Variants in FOXN3 observed in about 807,000 individuals in gnomAD.
FOXN3 encodes forkhead box N3, also known as forkhead box protein N3.
Under a neutral mutation model 38.4 loss-of-function variants are expected in FOXN3, and 7 were observed. The observed-to-expected ratio is 0.18, with a 90% CI of 0.10 to 0.34. FOXN3 has a LOEUF of 0.34. Among genes scored for constraint, FOXN3 ranks in the 10% least tolerant of loss-of-function variants. The pLI, the probability that FOXN3 is intolerant of heterozygous loss-of-function variation, is 1.00. For missense variants in FOXN3, 456 were observed against 613.4 expected (o/e 0.74, Z 2.71); for synonymous variants, 230 against 242.2 (o/e 0.95, Z 0.47).
At chr14:89,549,262 G>T (rs1210565745) in intron 1 of FOXN3, among the ~76,000 whole-genome samples, 4 of 141,520 alleles carry the variant, frequency 2.8e-5, no homozygotes, top group African/African-American at 1.1e-4. Context: ...AATTTTTAAA[G>T]TCCTTATCTG....
chr14:89,380,135 G>A (rs927251963), intron 2 of FOXN3, among the ~76,000 whole-genome samples: 10 of 150,782 alleles, frequency 6.6e-5, no homozygotes, highest in East Asian at 5.8e-4. Context: ...GGAGGGACCC[G>A]GGGGGAAGTA....
At chr14:89,446,608 C>T (rs1326301726) in intron 1 of FOXN3, among the ~76,000 whole-genome samples, 2 of 152,150 alleles carry the variant, frequency 1.3e-5, no homozygotes, top group African/African-American at 4.8e-5. Context: ...ACTTAGTACT[C>T]CACTTTTTTC....
At chr14:89,258,256 A>C (rs1693485549) in intron 4 of FOXN3, among the ~76,000 whole-genome samples, 2 of 152,196 alleles carry the variant, frequency 1.3e-5, no homozygotes, top group Non-Finnish European at 2.9e-5. Context: ...AATGGACAAC[A>C]GTTCTGATTT....
chr14:89,290,639 CT>C, intron 3 of FOXN3: 1 of 484,068 alleles, frequency 2.1e-6, no homozygotes. Context: ...TTCCTTCCAA[CT>C]TGAACACGGG....
At chr14:89,375,941 T>C (rs1369508485) in intron 2 of FOXN3, among the ~76,000 whole-genome samples, 1 of 152,062 alleles carries the variant, frequency 6.6e-6, no homozygotes, top group African/African-American at 2.4e-5. Context: ...CCACCATGCC[T>C]GGCTAATTTT....
intron 3 of FOXN3, among the ~76,000 whole-genome samples, chr14:89,295,091 G>A (rs1008320179): frequency 2.0e-5 from 3 of 151,940 alleles, no homozygotes; most frequent in African/African-American, 4.8e-5. Context: ...TCAATATGCC[G>A]CCTGGCACAG....
At chr14:89,555,650 C>G (rs1413309092) in intron 1 of FOXN3, among the ~76,000 whole-genome samples, 1 of 152,140 alleles carries the variant, frequency 6.6e-6, no homozygotes, top group Non-Finnish European at 1.5e-5. Context: ...ACAGTGCTTT[C>G]TAGTTTTCTA....
At chr14:89,465,511 C>G (rs1303315341) in intron 1 of FOXN3, among the ~76,000 whole-genome samples, 1 of 152,198 alleles carries the variant, frequency 6.6e-6, no homozygotes, top group Admixed American at 6.5e-5. Context: ...CGTGAGCCAC[C>G]GCGCCTAGCT....
chr14:89,179,920 G>A (rs1469617419), intron 5 of FOXN3, among the ~76,000 whole-genome samples: 1 of 152,246 alleles, frequency 6.6e-6, no homozygotes, highest in East Asian at 1.9e-4. Context: ...GAGAAGGAAG[G>A]ACTATCAGGG....
chr14:89,180,677 C>A, intron 5 of FOXN3, 24 bp downstream of exon 5: 1 of 1,545,680 alleles, frequency 6.5e-7, no homozygotes, highest in Non-Finnish European at 8.8e-7. Flanking sequence ...CAGGCTGGCT[C>A]TGCCCAGCGC....
chr14:89,545,323 G>T (rs1336042499), intron 1 of FOXN3, among the ~76,000 whole-genome samples: 1 of 152,208 alleles, frequency 6.6e-6, no homozygotes, highest in Non-Finnish European at 1.5e-5. Context: ...TCGATACGGG[G>T]GCCACCAGAG....
Position 89,414,637 on chromosome 14 carries a change from C to T in FOXN3, c.-14-2147G>A, listed in dbSNP as rs374880474. On this transcript the variant is annotated intron_variant, in intron 1 of 5. Coordinates refer to ENST00000557258, the MANE Select transcript of FOXN3 (RefSeq NM_005197.4). ...GGTGCAAAATCCGCTCACTGCAACCCCTGCCTCCCAGGTTCAAGAGATTCT... is the reference window on the plus strand; with the variant it reads ...GGTGCAAAATCCGCTCACTGCAACCTCTGCCTCCCAGGTTCAAGAGATTCT... Among the ~76,000 whole-genome samples, 27 of 151,434 alleles carry T rather than the reference C, an allele frequency of 1.8e-4. 1 individual carries two copies. The South Asian group carries it at 5.2e-3, about 29-fold the overall frequency.
At chr14:89,463,205 C>T (rs1218830506) in intron 1 of FOXN3, among the ~76,000 whole-genome samples, 2 of 151,416 alleles carry the variant, frequency 1.3e-5, no homozygotes, top group Non-Finnish European at 2.9e-5. Context: ...AGGAGAATGG[C>T]ATGAACCCGG....
intron 4 of FOXN3, among the ~76,000 whole-genome samples, chr14:89,186,544 G>C (rs1308904843): frequency 2.0e-5 from 3 of 152,174 alleles, no homozygotes; most frequent in Non-Finnish European, 4.4e-5. Flanking sequence ...TTTGAGGGTG[G>C]AGAGGGTGGG....
At chr14:89,258,661 A>C (rs1885702688) in intron 4 of FOXN3, among the ~76,000 whole-genome samples, 1 of 152,242 alleles carries the variant, frequency 6.6e-6, no homozygotes, top group Admixed American at 6.5e-5. Flanking sequence ...TGTAACTAAT[A>C]GTTACAGTGG....
At chr14:89,595,324 CAA>C (rs57598981) in intron 1 of FOXN3, among the ~76,000 whole-genome samples, 1 of 137,222 alleles carries the variant, frequency 7.3e-6, no homozygotes, top group Non-Finnish European at 1.6e-5. Flanking sequence ...GATTCCATCT[CAA>C]AAAAAAAAAA....
chr14:89,169,327 A>C (rs1436148899), intron 5 of FOXN3, among the ~76,000 whole-genome samples: 1 of 152,028 alleles, frequency 6.6e-6, no homozygotes, highest in African/African-American at 2.4e-5. Context: ...TGTAGTCCCC[A>C]CTACTCGGGA....
At chr14:89,297,671 C>A (rs949855970) in intron 3 of FOXN3, among the ~76,000 whole-genome samples, 4 of 152,164 alleles carry the variant, frequency 2.6e-5, no homozygotes, top group Non-Finnish European at 5.9e-5. Flanking sequence ...ACTCGTACAC[C>A]CATGCTCATA....
chr14:89,201,890 T>A (rs1010573117), intron 4 of FOXN3, among the ~76,000 whole-genome samples: 11 of 152,166 alleles, frequency 7.2e-5, no homozygotes, highest in African/African-American at 2.7e-4. Context: ...GTGGGGGTGC[T>A]CATAGTGGCT....
Sources: allele counts gnomAD v4.1 joint callset (sites outside exome capture counted in the v4.1 genomes callset), GRCh38; gene constraint gnomAD v4.1.1; transcripts MANE v1.5; gene names NCBI Gene and HGNC (gene_info 2026-07-23, HGNC 2026-07-21).